PHACTR1: variants seen among roughly 807,000 people sequenced by gnomAD.
PHACTR1 encodes the protein phosphatase and actin regulator 1.
A neutral mutation model predicts 69.2 loss-of-function variants in PHACTR1; 16 were observed. The observed-to-expected ratio is 0.23, with a 90% CI of 0.16 to 0.35. The LOEUF (loss-of-function observed/expected upper bound fraction) is 0.35, where lower values mean the gene tolerates loss of function less well. PHACTR1 is among the 10% of genes least tolerant of loss of function. The probability of loss-of-function intolerance (pLI) is 1.00; values close to 1 mark genes in which losing one functional copy is unlikely to be tolerated. For missense variants in PHACTR1, 510 were observed against 734.7 expected (o/e 0.69, Z 3.54); for synonymous variants, 312 against 284.5 (o/e 1.10, Z -0.97).
chr6:13,014,428 G>T (rs955596826), intron 4 of PHACTR1, among the ~76,000 whole-genome samples: 2 of 152,196 alleles, frequency 1.3e-5, no homozygotes, highest in African/African-American at 4.8e-5. Flanking sequence ...GGGAAGCCGA[G>T]GCTTAGGGGA....
At chr6:12,742,080 TG>T (rs1337420521) in intron 3 of PHACTR1, among the ~76,000 whole-genome samples, 12 of 152,094 alleles carry the variant, frequency 7.9e-5, no homozygotes, top group African/African-American at 2.2e-4. Flanking sequence ...AAAAATGATT[TG>T]GGGGGGATTT....
intron 4 of PHACTR1, among the ~76,000 whole-genome samples, chr6:12,909,228 G>A (rs1043315804): frequency 3.3e-5 from 5 of 152,108 alleles, no homozygotes; most frequent in Non-Finnish European, 7.3e-5. Flanking sequence ...CCACCATTTG[G>A]TTACATGTTG....
intron 4 of PHACTR1, among the ~76,000 whole-genome samples, chr6:12,775,381 A>G (rs1185114266): frequency 1.3e-5 from 2 of 152,216 alleles, no homozygotes; most frequent in African/African-American, 4.8e-5. Flanking sequence ...CTGTTGCCAC[A>G]TAGTTAACTA....
chr6:13,047,839 G>T (rs1805319188), intron 4 of PHACTR1, among the ~76,000 whole-genome samples: 1 of 152,024 alleles, frequency 6.6e-6, no homozygotes, highest in Non-Finnish European at 1.5e-5. Context: ...CCTTTTGAAA[G>T]CCAAACCACC....
At chr6:13,165,634 C>A (rs114101867) in intron 6 of PHACTR1, among the ~76,000 whole-genome samples, 1 of 151,968 alleles carries the variant, frequency 6.6e-6, no homozygotes, top group Non-Finnish European at 1.5e-5. Context: ...TAAAGTCAAG[C>A]GAAGGGGGAG....
intron 5 of PHACTR1, among the ~76,000 whole-genome samples, chr6:13,122,285 C>T (rs754920633): frequency 6.6e-6 from 1 of 152,188 alleles, no homozygotes; most frequent in Non-Finnish European, 1.5e-5. Context: ...TTTTAATTGG[C>T]ATTGCATAAC....
chr6:13,034,404 T>C (rs1802976101), intron 4 of PHACTR1, among the ~76,000 whole-genome samples: 1 of 152,222 alleles, frequency 6.6e-6, no homozygotes, highest in African/African-American at 2.4e-5. Context: ...AAACGCAGTT[T>C]GTTGGAGAAA....
At chr6:12,986,111 C>G (rs1220188742) in intron 4 of PHACTR1, among the ~76,000 whole-genome samples, 1 of 152,188 alleles carries the variant, frequency 6.6e-6, no homozygotes, top group Non-Finnish European at 1.5e-5. Flanking sequence ...GCTGGGATTA[C>G]AGTCATGAGC....
At chr6:13,020,577 G>C (rs889009283) in intron 4 of PHACTR1, among the ~76,000 whole-genome samples, 1 of 152,174 alleles carries the variant, frequency 6.6e-6, no homozygotes, top group African/African-American at 2.4e-5. Flanking sequence ...AGGATGAATA[G>C]GGTTGGGCTG....
intron 4 of PHACTR1, among the ~76,000 whole-genome samples, chr6:12,927,557 G>A (rs1202544252): frequency 6.6e-6 from 1 of 152,218 alleles, no homozygotes; most frequent in East Asian, 1.9e-4. Context: ...TAAAACTGGT[G>A]CTTGAGGAAA....
At chr6:13,125,366 A>AT (rs550183364) in intron 5 of PHACTR1, among the ~76,000 whole-genome samples, 2,024 of 146,562 alleles carry the variant, frequency 0.014, 33 homozygotes, top group South Asian at 0.05. Context: ...ATTGCACTGG[A>AT]TTTTTTTTTT....
intron 5 of PHACTR1, among the ~76,000 whole-genome samples, chr6:13,133,109 C>A (rs2127972308): frequency 6.6e-6 from 1 of 152,044 alleles, no homozygotes; most frequent in South Asian, 2.1e-4. Context: ...ACTCCCATCT[C>A]AAGAAACTGC....
intron 3 of PHACTR1, among the ~76,000 whole-genome samples, chr6:12,725,709 G>A (rs581046): frequency 0.49 from 74,293 of 151,910 alleles, 19,741 homozygotes; most frequent in East Asian, 0.87. Context: ...CTTGTTTTAC[G>A]ATTACTTAAG....
rs117339439 is a variant in PHACTR1, at chr6:12,783,265, C to T, written c.250+33475C>T. On this transcript the variant is annotated intron_variant, in intron 4 of 14. Transcript: ENST00000332995. Reference sequence around the variant, plus strand: ...ACATACTCATTTTGTTGTGCACAGGCACATACTGTGTTTGCTGTGCATCCT... The same window carrying T: ...ACATACTCATTTTGTTGTGCACAGGTACATACTGTGTTTGCTGTGCATCCT... Among the ~76,000 whole-genome samples, 797 of 152,296 alleles carry T rather than the reference C, an allele frequency of 5.2e-3. 11 individuals carry two copies. The highest frequency in any genetic ancestry group is 0.046 in the East Asian group (236 of 5,180).
At chr6:12,743,119 T>A (rs1219781915) in intron 3 of PHACTR1, among the ~76,000 whole-genome samples, 1 of 151,966 alleles carries the variant, frequency 6.6e-6, no homozygotes, top group South Asian at 2.1e-4. Context: ...TTCGTTTTTG[T>A]TTCTTCTGAG....
chr6:13,021,846 A>G (rs1801020164), intron 4 of PHACTR1, among the ~76,000 whole-genome samples: 1 of 152,250 alleles, frequency 6.6e-6, no homozygotes, highest in Non-Finnish European at 1.5e-5. Context: ...ATGTATTTAT[A>G]TTACACTTTA....
chr6:13,107,286 G>T (rs1254917495), intron 5 of PHACTR1, among the ~76,000 whole-genome samples: 1 of 152,098 alleles, frequency 6.6e-6, no homozygotes, highest in East Asian at 1.9e-4. Context: ...AATTTTTAAA[G>T]TTTTTGGTAG....
chr6:13,156,245 T>C (rs1426411572), intron 5 of PHACTR1, among the ~76,000 whole-genome samples: 6 of 152,208 alleles, frequency 3.9e-5, no homozygotes, highest in African/African-American at 1.4e-4. Flanking sequence ...CTTCTCAAAA[T>C]AATCTGTGCA....
At chr6:13,230,773 T>C (rs1235217243) in intron 10 of PHACTR1, among the ~76,000 whole-genome samples, 2 of 131,910 alleles carry the variant, frequency 1.5e-5, no homozygotes, top group African/African-American at 2.5e-5. Context: ...TCCTAATACA[T>C]TGGGTGGCCA....
Sources: gnomAD v4.1 joint callset for allele counts (sites outside exome capture counted in the v4.1 genomes callset) on GRCh38, gnomAD v4.1.1 for gene constraint, MANE v1.5 for transcripts, NCBI Gene and HGNC (gene_info 2026-07-23, HGNC 2026-07-21) for gene names.